TUB: variants seen among roughly 807,000 people sequenced by gnomAD.
The protein encoded by TUB is TUB bipartite transcription factor, also known as tubby protein homolog.
TUB carries 33 observed loss-of-function variants against 59.7 expected under a neutral mutation model. The ratio of observed to expected loss-of-function variants is 0.55; its 90% CI spans 0.42 to 0.74. The LOEUF (loss-of-function observed/expected upper bound fraction) is 0.74, where lower values mean the gene tolerates loss of function less well. Among genes scored for constraint, TUB ranks in the 30% least tolerant of loss-of-function variants. The pLI is 0.00. For missense variants in TUB, 659 were observed against 672.0 expected (o/e 0.98, Z 0.21); for synonymous variants, 293 against 256.4 (o/e 1.14, Z -1.36).
intron 1 of TUB, among the ~76,000 whole-genome samples, chr11:8,031,721 C>T (rs1942573664): frequency 6.6e-6 from 1 of 152,240 alleles, no homozygotes; most frequent in Non-Finnish European, 1.5e-5. Context: ...GCGCGATCTG[C>T]TGGCAGTGGC....
In TUB at chr11:8,102,059, A is replaced by T. The variant is rs758230923; in HGVS notation, c.*440A>T. ...TACTCCAGCAGGTAGGGGCACAGTG[A>T]ATGTGTGTATGTATGAAGGCCACAT... On this transcript the variant is annotated 3_prime_UTR_variant, in exon 12 of 12. Coordinates refer to ENST00000299506, the MANE Select transcript of TUB (RefSeq NM_177972.3). The T allele has an allele frequency of 3.3e-5, 6 of 179,224 alleles. No individual in the cohort carries two copies. The highest frequency in any genetic ancestry group is 1.1e-4 in the Admixed American group (2 of 17,700). The allele number at this position is 179,224 out of a possible 1,614,324, so 11.1% of individuals were successfully genotyped here.
At chr11:8,080,191 T>G (rs1943520392), upstream of TUB, among the ~76,000 whole-genome samples, 1 of 152,178 alleles carries the variant, frequency 6.6e-6, no homozygotes, top group Non-Finnish European at 1.5e-5. Flanking sequence ...CACAACACTC[T>G]TCTGGCGCGG....
intron 2 of TUB, among the ~76,000 whole-genome samples, chr11:8,057,810 A>C (rs528945553): frequency 6.6e-6 from 1 of 152,146 alleles, no homozygotes; most frequent in African/African-American, 2.4e-5. Flanking sequence ...GGAAAGGCCT[A>C]GGCAAAACTC....
At chr11:8,101,388 G>T (rs1197411840) in intron 11 of TUB, 98 bp from the exon 12 acceptor site, 7 of 1,467,140 alleles carry the variant, frequency 4.8e-6, no homozygotes, top group Non-Finnish European at 6.6e-6. Flanking sequence ...CTTCTCACTT[G>T]TTCTTCCCTC....
In TUB at chr11:8,095,660, G is replaced by A; in HGVS notation, c.560G>A (p.Arg187Lys). The A allele has an allele frequency of 1.9e-6, 3 of 1,597,388 alleles. No homozygotes were observed. The highest frequency in any genetic ancestry group is 2.6e-6 in the Non-Finnish European group (3 of 1,172,194). Residue 187 changes from arginine to lysine, a missense_variant, in exon 5 of 12, where the codon AGG (arginine) becomes AAG (lysine). This residue lies in a region of TUB where 321 missense variants were observed against 304.3 expected (regional missense o/e 1.05). Transcript: ENST00000299506. ...CAGGATCTCCGTGCCACGATGCAGAGGAAGGGTGAGCCCCATGGGGACCCA... is the reference window on the plus strand; with the variant it reads ...CAGGATCTCCGTGCCACGATGCAGAAGAAGGGTGAGCCCCATGGGGACCCA... ...SGQDLRATMQ[R>K]KGISSSMSFD... is the part of the protein sequence containing the mutation.
upstream of TUB, among the ~76,000 whole-genome samples, chr11:8,036,481 C>T (rs1942648376): frequency 6.6e-6 from 1 of 152,204 alleles, no homozygotes; most frequent in South Asian, 2.1e-4. Flanking sequence ...CCATTCAGTG[C>T]ACTAATGCAA....
In TUB at chr11:8,100,488, C is replaced by T. The variant is rs373438699; in HGVS notation, c.1117-15C>T. 6.3e-5 allele frequency: 102 copies of T among 1,609,866 alleles called. No individual in the cohort carries two copies. The highest frequency in any genetic ancestry group is 3.1e-4 in the African/African-American group (23 of 74,938). On this transcript the variant is annotated splice_polypyrimidine_tract_variant and intron_variant, in intron 9 of 11. Coordinates refer to ENST00000299506, the MANE Select transcript of TUB (RefSeq NM_177972.3). ...TAGACGCCTCAGGTGGCCAGTGTTGCGTTCTCTTTCCCAGGAGACAAACGT... is the reference window on the plus strand; with the variant it reads ...TAGACGCCTCAGGTGGCCAGTGTTGTGTTCTCTTTCCCAGGAGACAAACGT...
Position 8,075,196 on chromosome 11 carries a change from AT to A in TUB, c.204-14413del, listed in dbSNP as rs541970269. 9.8e-5 allele frequency among the ~76,000 whole-genome samples: 15 copies of A among 152,336 alleles called. No individual in the cohort carries two copies. The South Asian group carries it at 3.1e-3, about 32-fold the overall frequency. ...TTCCCCTATTAGCAATAAAGTTTCC[AT>A]CAGTATCTTTGTACATAAACTTTTG... On this transcript the variant is annotated intron_variant, in intron 2 of 12. Coordinates refer to the TUB transcript ENST00000305253.
At chr11:8,091,349 A>T (rs2133837726) in intron 3 of TUB, among the ~76,000 whole-genome samples, 1 of 152,294 alleles carries the variant, frequency 6.6e-6, no homozygotes, top group East Asian at 1.9e-4. Context: ...GTACCCTCCG[A>T]GGAAGCCTAC....
rs1944427538 is a variant in TUB, at chr11:8,104,222, C to G, written c.*2603C>G. On this transcript the variant is annotated 3_prime_UTR_variant, in exon 12 of 12. Coordinates refer to ENST00000299506, the MANE Select transcript of TUB (RefSeq NM_177972.3). ...TGGTCTTTGGGCAGGGAATTAATGACAGAATGAGCAGTCCCTAATGGTATT... is the reference window on the plus strand; with the variant it reads ...TGGTCTTTGGGCAGGGAATTAATGAGAGAATGAGCAGTCCCTAATGGTATT... 1 of 152,234 alleles carries G rather than the reference C, an allele frequency of 6.6e-6. No homozygotes were observed. Among genetic ancestry groups the G allele is most frequent in the African/African-American group, 2.4e-5 (1 of 41,448 alleles). The allele number at this position is 152,234 out of a possible 1,614,324, so 9.4% of individuals were successfully genotyped here.
chr11:8,064,736 G>A (rs929136186), intron 2 of TUB, among the ~76,000 whole-genome samples: 3 of 152,218 alleles, frequency 2.0e-5, no homozygotes, highest in Non-Finnish European at 4.4e-5. Context: ...AGGTGCCATG[G>A]CTGTTGCAGA....
At chr11:8,064,176 C>T (rs975475952) in intron 2 of TUB, among the ~76,000 whole-genome samples, 6 of 152,154 alleles carry the variant, frequency 3.9e-5, no homozygotes, top group East Asian at 1.9e-4. Context: ...TGAGGCTGAA[C>T]GATGAATATG....
chr11:8,052,120 C>A (rs1046974735), intron 2 of TUB, among the ~76,000 whole-genome samples: 3 of 152,200 alleles, frequency 2.0e-5, no homozygotes, highest in Admixed American at 1.3e-4. Context: ...ACTGGCATGG[C>A]AAATGCCTCC....
Position 8,100,928 on chromosome 11 carries a change from GT to G in TUB, c.1319del (p.Val440AspfsTer13). 1 of 1,614,154 alleles carries G rather than the reference GT, an allele frequency of 6.2e-7. No homozygotes were observed. On this transcript the variant is annotated frameshift_variant, in exon 11 of 12. Coordinates refer to ENST00000299506, the MANE Select transcript of TUB (RefSeq NM_177972.3). LOFTEE classifies it high-confidence loss of function. The stretch of plus-strand genomic sequence containing the variant: ...CTGGAATGATGACACACAGTCCTAT[GT>G]ACTCAACTTCCATGGGCGCGTCACA... ...PVWNDDTQSY[V>X]LNFHGRVTQA...
At chr11:8,081,671 G>T (rs975478150) in intron 1 of TUB, 123 bp downstream of exon 1, 4 of 1,117,194 alleles carry the variant, frequency 3.6e-6, no homozygotes, top group Non-Finnish European at 2.3e-6. Flanking sequence ...TGGGGCGCGG[G>T]TTGGAGTCGC....
intron 1 of TUB, among the ~76,000 whole-genome samples, chr11:8,023,407 C>T (rs1377719403): frequency 1.3e-5 from 2 of 152,198 alleles, no homozygotes; most frequent in African/African-American, 2.4e-5. Context: ...CTTAGGTCCC[C>T]ACTGTCCACA....
At chr11:8,047,470 C>T (rs141382915) in intron 2 of TUB, among the ~76,000 whole-genome samples, 1 of 152,202 alleles carries the variant, frequency 6.6e-6, no homozygotes, top group African/African-American at 2.4e-5. Flanking sequence ...AGAATAGGTA[C>T]TCATTATAAG....
intron 2 of TUB, among the ~76,000 whole-genome samples, chr11:8,049,910 CACAG>C (rs1225331586): frequency 6.6e-6 from 1 of 152,042 alleles, no homozygotes; most frequent in Non-Finnish European, 1.5e-5. Flanking sequence ...CACAGCTGAA[CACAG>C]ACAGTCATGT....
At chr11:8,068,102 C>T (rs1943281521) in intron 2 of TUB, 1 of 152,242 alleles carries the variant, frequency 6.6e-6, no homozygotes, top group South Asian at 2.1e-4. Context: ...AACCATTCCA[C>T]TTGTTTGCAG....
Sources: allele counts gnomAD v4.1 joint callset (sites outside exome capture counted in the v4.1 genomes callset), GRCh38; gene constraint gnomAD v4.1.1; regional missense constraint gnomAD v4.1.1; transcripts MANE v1.5; gene names NCBI Gene and HGNC (gene_info 2026-07-23, HGNC 2026-07-21).